The following KLHL22 variants were observed in gnomAD, a reference collection of about 807,000 sequenced individuals.
The protein encoded by KLHL22 is kelch like family member 22.
Under a neutral mutation model 60.7 loss-of-function variants are expected in KLHL22, and 18 were observed. The observed-to-expected ratio is 0.30, with a 90% CI of 0.20 to 0.44. The LOEUF is 0.44. Ranked by LOEUF, KLHL22 falls within the 20% of genes least tolerant of loss-of-function variation. The probability of loss-of-function intolerance (pLI) is 1.00; values close to 1 mark genes in which losing one functional copy is unlikely to be tolerated. For synonymous variants in KLHL22, 355 were observed against 354.5 expected, an observed-to-expected ratio of 1.00 and a Z score of -0.01; for missense variants, 596 against 852.3, an observed-to-expected ratio of 0.70 and a Z score of 3.74.
At chr22:20,482,975 G>T (rs2053528819) in intron 2 of KLHL22, 1 of 746,518 alleles carries the variant, frequency 1.3e-6, no homozygotes, top group Middle Eastern at 3.6e-4. Flanking sequence ...GCAGTAGGTG[G>T]TGATCTTAGC....
At chr22:20,470,680 G>GTGGATGGATGGA (rs538204093) in intron 3 of KLHL22, among the ~76,000 whole-genome samples, 5 of 149,602 alleles carry the variant, frequency 3.3e-5, no homozygotes, top group East Asian at 4.0e-4. Flanking sequence ...GGATGGATGG[G>GTGGATGGATGGA]TGGATGGATG....
intron 2 of KLHL22, chr22:20,488,681 A>AGGGAGGGGAGGGGAGAGGAGAGGAG (rs150912867): frequency 2.6e-6 from 1 of 382,700 alleles, no homozygotes; most frequent in Non-Finnish European, 4.8e-6. Context: ...AGGAATGGTA[A>AGGGAGGGGAGGGGAGAGGAGAGGAG]GGGAGGGGAG....
At chr22:20,487,665 C>T (rs888268243) in intron 2 of KLHL22, among the ~76,000 whole-genome samples, 8 of 152,112 alleles carry the variant, frequency 5.3e-5, no homozygotes, top group African/African-American at 9.7e-5. Flanking sequence ...GTAATCATCC[C>T]GGAGAGCAGG....
intron 2 of KLHL22, among the ~76,000 whole-genome samples, chr22:20,478,894 C>T (rs934928670): frequency 8.0e-5 from 12 of 150,420 alleles, no homozygotes; most frequent in African/African-American, 2.9e-4. Flanking sequence ...TTTGGGAGGC[C>T]GAGGTGGGCG....
intron 5 of KLHL22, chr22:20,451,090 G>A (rs2052969866): frequency 6.8e-7 from 1 of 1,466,704 alleles, no homozygotes; most frequent in Non-Finnish European, 9.6e-7. Flanking sequence ...TGTGGCCTCA[G>A]TGTCCCTACA....
intron 6 of KLHL22, 145 bp downstream of exon 6, chr22:20,446,298 T>C: frequency 1.5e-6 from 1 of 651,288 alleles, no homozygotes. Context: ...AACTGTACCT[T>C]CCACTTAATT....
intron 5 of KLHL22, among the ~76,000 whole-genome samples, chr22:20,452,817 T>G (rs1346100135): frequency 6.6e-6 from 1 of 152,218 alleles, no homozygotes; most frequent in Non-Finnish European, 1.5e-5. Flanking sequence ...GGAGTGACAG[T>G]AGCCTAGTAG....
At chr22:20,462,334 G>A (rs968168091) in intron 4 of KLHL22, among the ~76,000 whole-genome samples, 5 of 150,436 alleles carry the variant, frequency 3.3e-5, no homozygotes, top group East Asian at 1.9e-4. Flanking sequence ...ATGAAATGCC[G>A]AAGGAAAAAT....
chr22:20,469,613 T>G (rs1405154293), intron 3 of KLHL22, among the ~76,000 whole-genome samples: 1 of 152,158 alleles, frequency 6.6e-6, no homozygotes, highest in African/African-American at 2.4e-5. Context: ...CTACTCACCA[T>G]GCAGGTATGG....
At chr22:20,488,139 G>C (rs527264715) in intron 2 of KLHL22, among the ~76,000 whole-genome samples, 15 of 152,142 alleles carry the variant, frequency 9.9e-5, no homozygotes, top group Non-Finnish European at 2.2e-4. Flanking sequence ...AAAAAATAGA[G>C]AGAGATAAAG....
At position 20,476,002 on chromosome 22, in the gene KLHL22, A is replaced by T. The variant is rs2053406154; in HGVS notation, c.228-4487T>A. Among the ~76,000 whole-genome samples the T allele has an allele frequency of 2.0e-5, 3 of 152,352 alleles. No individual in the cohort carries two copies. The South Asian group carries it at 6.2e-4, about 32-fold the overall frequency. On this transcript the variant is annotated intron_variant, in intron 2 of 6. Transcript: ENST00000328879. ...GAATCAAGTTTCTGTAATTGCCCCAAATAAACCCTCTTGGTATTTTAGGGG... is the reference window on the plus strand; with the variant it reads ...GAATCAAGTTTCTGTAATTGCCCCATATAAACCCTCTTGGTATTTTAGGGG...
Position 20,443,566 on chromosome 22 carries a change from T to C in KLHL22, c.1540-1128A>G, listed in dbSNP as rs948614748. On this transcript the variant is annotated intron_variant, in intron 6 of 6. Transcript: ENST00000328879. ...CCATCCTGGCCAACATGGTGAAACC[T>C]CGTCTCTACTAAAAATACAAAAATC... 3.7e-4 allele frequency among the ~76,000 whole-genome samples: 56 copies of C among 151,444 alleles called. 1 individual carries two copies. Among genetic ancestry groups the C allele is most frequent in the East Asian group, 2.0e-4 (1 of 5,086 alleles).
chr22:20,476,609 T>C (rs1485569488), intron 2 of KLHL22, among the ~76,000 whole-genome samples: 1 of 151,306 alleles, frequency 6.6e-6, no homozygotes, highest in Non-Finnish European at 1.5e-5. Flanking sequence ...GAGACGGGGT[T>C]TCACCATGTT....
chr22:20,443,467 G>A (rs1295276941), intron 6 of KLHL22, among the ~76,000 whole-genome samples: 3 of 152,212 alleles, frequency 2.0e-5, no homozygotes, highest in Admixed American at 1.3e-4. Flanking sequence ...GAGGCCGGGC[G>A]TGGTGGCTCA....
chr22:20,463,328 C>G (rs1780882256), intron 4 of KLHL22, among the ~76,000 whole-genome samples: 1 of 152,166 alleles, frequency 6.6e-6, no homozygotes, highest in Non-Finnish European at 1.5e-5. Context: ...GGTCTCACAC[C>G]CCTTCACAAG....
intron 5 of KLHL22, among the ~76,000 whole-genome samples, chr22:20,449,055 GTTTTGT>G (rs2052930088): frequency 3.3e-5 from 5 of 149,974 alleles, no homozygotes; most frequent in African/African-American, 1.0e-4. Flanking sequence ...GTTTTGTTTT[GTTTTGT>G]TTTGTTTGTT....
intron 2 of KLHL22, among the ~76,000 whole-genome samples, chr22:20,478,304 C>T (rs1490893768): frequency 1.3e-5 from 2 of 150,994 alleles, no homozygotes; most frequent in African/African-American, 4.9e-5. Flanking sequence ...CTCCCAGGTT[C>T]AAGCAATTAT....
rs138971914 is a variant in KLHL22 at position 20,463,036 on chromosome 22, C to G, written c.1112+1822G>C. On this transcript the variant is annotated intron_variant, in intron 4 of 6. Coordinates refer to ENST00000328879, the MANE Select transcript of KLHL22 (RefSeq NM_032775.4). ...TTCTAAGGCTGATGAAATGAGAAAGCAGAGAAAGAACCAAATCTTAGAATA... is the reference window on the plus strand; with the variant it reads ...TTCTAAGGCTGATGAAATGAGAAAGGAGAGAAAGAACCAAATCTTAGAATA... Among the ~76,000 whole-genome samples, 13 of 152,212 alleles carry G rather than the reference C, an allele frequency of 8.5e-5. No individual in the cohort carries two copies. In the East Asian group the frequency reaches 2.5e-3, roughly 29 times the overall value.
chr22:20,484,208 G>T, intron 2 of KLHL22: 1 of 474,966 alleles, frequency 2.1e-6, no homozygotes, highest in Non-Finnish European at 4.1e-6. Flanking sequence ...GGCCAGGCTG[G>T]TCTCCAACTC....
Sources: gnomAD v4.1 joint callset for allele counts (sites outside exome capture counted in the v4.1 genomes callset) on GRCh38, gnomAD v4.1.1 for gene constraint, MANE v1.5 for transcripts, NCBI Gene and HGNC (gene_info 2026-07-23, HGNC 2026-07-21) for gene names.